Variants in EPG5 observed in about 807,000 individuals in gnomAD.
EPG5 encodes ectopic P-granules 5 autophagy tethering factor.
A neutral mutation model predicts 302.7 loss-of-function variants in EPG5; 159 were observed. The ratio of observed to expected loss-of-function variants is 0.53; its 90% CI spans 0.46 to 0.60. The LOEUF (loss-of-function observed/expected upper bound fraction) is 0.60. EPG5 is among the 20% of genes least tolerant of loss of function. EPG5 has a pLI of 0.00. For synonymous variants in EPG5, 1,158 were observed against 1,136.8 expected (o/e 1.02, Z -0.37); for missense variants, 2,896 against 3,092.4 (o/e 0.94, Z 1.51).
At chr18:45,926,674 C>A (rs1568161628) in intron 13 of EPG5, among the ~76,000 whole-genome samples, 2 of 151,888 alleles carry the variant, frequency 1.3e-5, no homozygotes, top group Admixed American at 1.3e-4. Context: ...TAAAAATTAG[C>A]CAGGCATGGT....
the EPG5 span, among the ~76,000 whole-genome samples, chr18:45,829,723 C>A: frequency 6.6e-6 from 1 of 152,128 alleles, no homozygotes; most frequent in Non-Finnish European, 1.5e-5. Flanking sequence ...CACTCGTCAG[C>A]TGGTAATGTC....
At chr18:45,810,258 G>T in the EPG5 span, among the ~76,000 whole-genome samples, 1 of 152,220 alleles carries the variant, frequency 6.6e-6, no homozygotes, top group African/African-American at 2.4e-5. Flanking sequence ...GGACCAGACG[G>T]ATTCACAGCA....
chr18:45,887,805 C>T lies in EPG5; in HGVS notation c.5055G>A (p.Gln1685=). Residue 1685 remains glutamine, a synonymous_variant, in exon 29 of 44, where the codon CAG becomes CAA. Transcript: ENST00000282041. ...TIVDYVSDET[Q]RHPPTRQFFT... ...AGAACTGCCTTGTTGGGGGATGACGCTGCGTCTCATCGCTGACGTAATCCA... is the reference window on the plus strand; with the variant it reads ...AGAACTGCCTTGTTGGGGGATGACGTTGCGTCTCATCGCTGACGTAATCCA... 6.2e-7 allele frequency: 1 copy of T among 1,602,620 alleles called. No individual in the cohort carries two copies. The highest frequency in any genetic ancestry group is 8.5e-7 in the Non-Finnish European group (1 of 1,171,238).
At chr18:45,837,200 A>G in the EPG5 span, 1 of 1,507,652 alleles carries the variant, frequency 6.6e-7, no homozygotes, top group Admixed American at 2.1e-5. Flanking sequence ...ACTAAGGGTA[A>G]GAATATGGGG....
Position 45,907,658 on chromosome 18 carries a change from A to G in EPG5, c.4329+300T>C, listed in dbSNP as rs7242125. Among the ~76,000 whole-genome samples the G allele has an allele frequency of 0.032, 4,913 of 152,252 alleles. 236 individuals are homozygous for G. Among genetic ancestry groups the G allele is most frequent in the African/African-American group, 0.11 (4,446 of 41,524 alleles). On this transcript the variant is annotated intron_variant, in intron 24 of 43. Coordinates refer to ENST00000282041, the MANE Select transcript of EPG5 (RefSeq NM_020964.3). ...GATAATTGCTTAAAGGTATTCAGCT[A>G]CTAACAACTTCCAATTAAAAAAAAT...
At chr18:45,859,906 G>A (rs1413240854) in intron 40 of EPG5, among the ~76,000 whole-genome samples, 198 bp downstream of exon 40, 1 of 152,196 alleles carries the variant, frequency 6.6e-6, no homozygotes, top group Non-Finnish European at 1.5e-5. Context: ...CAACAGACAT[G>A]GCCACAGGTT....
In EPG5 at chr18:45,855,778, T is replaced by C. The variant is rs1220556327; in HGVS notation, c.7443-91A>G. ...CCATATTTTCTATGACATAAAAAGA[T>C]GAACACATTTCCAGATCTACTGTGT... is the stretch of plus-strand genomic sequence containing the variant. On this transcript the variant is annotated intron_variant, in intron 42 of 43. Transcript: ENST00000282041. 7 of 780,204 alleles carry C rather than the reference T, an allele frequency of 9.0e-6. No individual in the cohort carries two copies. In the East Asian group the frequency reaches 1.6e-4, roughly 18 times the overall value. The allele number at this position is 780,204 out of a possible 1,614,324, so 48.3% of individuals were successfully genotyped here.
At chr18:45,917,860 G>A in intron 16 of EPG5, 41 bp from the exon 17 acceptor site, 1 of 1,607,450 alleles carries the variant, frequency 6.2e-7, no homozygotes, top group Non-Finnish European at 8.5e-7. Flanking sequence ...CAAGGGAGCT[G>A]GTTCATAAAA....
At chr18:45,957,584 G>C (rs1401797093) in intron 1 of EPG5, among the ~76,000 whole-genome samples, 4 of 152,168 alleles carry the variant, frequency 2.6e-5, no homozygotes, top group Non-Finnish European at 1.5e-5. Flanking sequence ...ACACATCAGG[G>C]ACTCTTCATC....
chr18:45,924,340 C>T (rs2050223194), intron 14 of EPG5, among the ~76,000 whole-genome samples: 1 of 152,146 alleles, frequency 6.6e-6, no homozygotes, highest in Admixed American at 6.5e-5. Flanking sequence ...GAAAACAGCC[C>T]CCTGTAGCTC....
intron 3 of EPG5, 87 bp downstream of exon 3, chr18:45,952,313 T>C: frequency 6.7e-7 from 1 of 1,500,102 alleles, no homozygotes; most frequent in Non-Finnish European, 9.0e-7. Context: ...GTAAGACCAA[T>C]TACTATACAG....
intron 27 of EPG5, among the ~76,000 whole-genome samples, chr18:45,896,534 G>T (rs1373809700): frequency 2.6e-5 from 4 of 151,330 alleles, no homozygotes; most frequent in African/African-American, 9.7e-5. Context: ...AGCTATATTA[G>T]CAATTACCAA....
At chr18:45,863,684 G>A (rs539692322) in intron 39 of EPG5, among the ~76,000 whole-genome samples, 1 of 152,260 alleles carries the variant, frequency 6.6e-6, no homozygotes, top group East Asian at 1.9e-4. Context: ...TAGGTTATGA[G>A]TCATTTTCTC....
chr18:45,939,807 C>A (rs79875128), intron 9 of EPG5, 52 bp from the exon 10 acceptor site: 8 of 1,501,000 alleles, frequency 5.3e-6, no homozygotes, highest in South Asian at 4.7e-5. Context: ...AATATCTGCA[C>A]CTTTATATTA....
At chr18:45,966,411 C>T (rs1027453556) in intron 1 of EPG5, among the ~76,000 whole-genome samples, 5 of 142,482 alleles carry the variant, frequency 3.5e-5, no homozygotes, top group African/African-American at 6.0e-5. Context: ...CATATATATA[C>T]ACACACACAT....
intron 1 of EPG5, among the ~76,000 whole-genome samples, chr18:45,956,791 C>T (rs1410772682): frequency 1.3e-5 from 2 of 151,610 alleles, no homozygotes; most frequent in Non-Finnish European, 2.9e-5. Context: ...TATAAGATGA[C>T]GACACAAGAG....
intron 11 of EPG5, among the ~76,000 whole-genome samples, chr18:45,934,173 C>G (rs1405153553): frequency 1.3e-5 from 2 of 151,902 alleles, no homozygotes; most frequent in Admixed American, 1.3e-4. Flanking sequence ...CCTGTAAGCC[C>G]AGCTACTCAG....
intron 23 of EPG5, among the ~76,000 whole-genome samples, chr18:45,908,304 G>T (rs998222605): frequency 5.3e-5 from 8 of 151,910 alleles, no homozygotes; most frequent in African/African-American, 1.9e-4. Flanking sequence ...TAAAACAAAA[G>T]GTATGAAGAA....
chr18:45,898,353 TATG>T (rs2049527192), intron 27 of EPG5, among the ~76,000 whole-genome samples: 1 of 152,212 alleles, frequency 6.6e-6, no homozygotes, highest in Non-Finnish European at 1.5e-5. Flanking sequence ...ATGAAGATAA[TATG>T]ATAAAGGCCA....
Sources: gnomAD v4.1 joint callset for allele counts (sites outside exome capture counted in the v4.1 genomes callset) on GRCh38, gnomAD v4.1.1 for gene constraint, MANE v1.5 for transcripts, NCBI Gene and HGNC (gene_info 2026-07-23, HGNC 2026-07-21) for gene names.